The following INTS6 variants were observed in gnomAD, a reference collection of about 807,000 sequenced individuals.
The protein encoded by INTS6 is integrator complex subunit 6.
A neutral mutation model predicts 104.9 loss-of-function variants in INTS6; 16 were observed. The observed-to-expected ratio is 0.15, with a 90% confidence interval of 0.10 to 0.23. The LOEUF (loss-of-function observed/expected upper bound fraction) is 0.23. Ranked by LOEUF, INTS6 falls within the 10% of genes least tolerant of loss-of-function variation. The pLI is 1.00. For synonymous variants in INTS6, 324 were observed against 358.7 expected (o/e 0.90, Z 1.09); for missense variants, 584 against 1,062.8 (o/e 0.55, Z 6.26).
intron 3 of INTS6, chr13:51,442,486 T>A (rs1178215230): frequency 6.6e-6 from 1 of 152,260 alleles, no homozygotes; most frequent in African/African-American, 2.4e-5. Flanking sequence ...GCAAGGGTTC[T>A]GGGTTCTCAG....
chr13:51,383,819 TACTC>T (rs1301962612), intron 7 of INTS6, 78 bp from the exon 8 acceptor site: 13 of 1,263,642 alleles, frequency 1.0e-5, no homozygotes, highest in African/African-American at 4.5e-5. Context: ...TATCAAAATT[TACTC>T]AGTTCCTCCG....
intron 7 of INTS6, among the ~76,000 whole-genome samples, chr13:51,387,135 G>T (rs1023617040): frequency 2.6e-5 from 4 of 152,078 alleles, no homozygotes; most frequent in African/African-American, 4.8e-5. Flanking sequence ...CAGAAGCCAA[G>T]AATAAAAATC....
At chr13:51,399,551 G>A (rs1956398384) in intron 4 of INTS6, among the ~76,000 whole-genome samples, 2 of 152,136 alleles carry the variant, frequency 1.3e-5, no homozygotes, top group African/African-American at 4.8e-5. Context: ...TGGAATTGCT[G>A]GATATGAATA....
chr13:51,450,059 T>A (rs764900272), intron 3 of INTS6: 154 of 985,260 alleles, frequency 1.6e-4, no homozygotes, highest in Non-Finnish European at 1.8e-4. Flanking sequence ...AAAGTTGTAG[T>A]CACAGAAAGA....
intron 15 of INTS6, among the ~76,000 whole-genome samples, chr13:51,371,275 T>TA (rs1174560625): frequency 6.6e-6 from 1 of 152,180 alleles, no homozygotes; most frequent in Non-Finnish European, 1.5e-5. Flanking sequence ...CTAAAGAACT[T>TA]ACACTTACAC....
downstream of INTS6, among the ~76,000 whole-genome samples, chr13:51,360,007 C>G (rs551683315): frequency 2.8e-4 from 42 of 152,190 alleles, 2 homozygotes; most frequent in African/African-American, 7.5e-4. Flanking sequence ...TTCACTGATG[C>G]TGGAAAATAA....
chr13:51,406,463 T>G (rs1247092564), intron 4 of INTS6, among the ~76,000 whole-genome samples: 1 of 152,128 alleles, frequency 6.6e-6, no homozygotes, highest in East Asian at 1.9e-4. Flanking sequence ...CGTCACCTCC[T>G]CCCTGTTTCT....
chr13:51,346,038 CT>C, the INTS6 span, among the ~76,000 whole-genome samples: 1 of 152,234 alleles, frequency 6.6e-6, no homozygotes, highest in Non-Finnish European at 1.5e-5. Flanking sequence ...CCCAACTTCT[CT>C]GAGCCTCAGT....
Position 51,452,586 on chromosome 13 carries a change from AGGCGCCGGTGGC to A in INTS6, c.-73_-62del. ...GAGAAAGAGGAGATGGTAGAGGTGG[AGGCGCCGGTGGC>A]GGCGACCGCCGCTACGCGGGGCGGG... is the stretch of plus-strand genomic sequence containing the variant. On this transcript the variant is annotated 5_prime_UTR_variant, in exon 1 of 18. Transcript: ENST00000311234. This position sits in a 1 kb window ranked among gnomAD's most constrained non-coding sequence, Gnocchi z 4.2. The A allele has an allele frequency of 6.4e-7, 1 of 1,574,634 alleles. No individual in the cohort carries two copies. The highest frequency in any genetic ancestry group is 1.1e-5 in the South Asian group (1 of 89,762).
intron 3 of INTS6, chr13:51,439,505 A>G (rs1952753140): frequency 6.6e-6 from 1 of 152,170 alleles, no homozygotes; most frequent in Non-Finnish European, 1.5e-5. Context: ...AAAAATCTTC[A>G]TATAAAAAAA....
Position 51,452,420 on chromosome 13 carries a change from T to G in INTS6, c.106A>C (p.Met36Leu). ...DTAKGAVETF[M>L]KLRARDPASR... The stretch of plus-strand genomic sequence containing the variant: ...CGGGCTCGGTCAGTCGGTACCTTCA[T>G]GAAGGTCTCTACCGCGCCTTTGGCC... The change falls in exon 1 of 18, where the codon ATG (methionine) becomes CTG (leucine). Residue 36 changes from methionine to leucine, a missense_variant. Met to Leu is a conservative substitution (Grantham distance 15). This residue lies in a region of INTS6 where 70 missense variants were observed against 190.3 expected (regional missense o/e 0.37). Coordinates refer to ENST00000311234, the MANE Select transcript of INTS6 (RefSeq NM_012141.3). The surrounding 1 kb of genome is among the most constrained non-coding windows in gnomAD (Gnocchi z 4.2). The G allele has an allele frequency of 1.9e-6, 3 of 1,600,382 alleles. No homozygotes were observed. The highest frequency in any genetic ancestry group is 2.6e-6 in the Non-Finnish European group (3 of 1,172,474).
At chr13:51,346,893 G>C in the INTS6 span, 9 of 647,228 alleles carry the variant, frequency 1.4e-5, no homozygotes, top group African/African-American at 1.1e-4. Context: ...AAGATGAAGA[G>C]AGAGACCACC....
At chr13:51,423,011 C>T in intron 4 of INTS6, 1 of 1,219,588 alleles carries the variant, frequency 8.2e-7, no homozygotes, top group Admixed American at 2.6e-5. Context: ...TAATGTATTA[C>T]AAATGTTTAT....
At position 51,406,432 on chromosome 13, in the gene INTS6, C is replaced by CCACCTCCTCCCTGTTTCTTACGT. The variant is rs549014143; in HGVS notation, c.430-10972_430-10950dup. 2.7e-5 allele frequency among the ~76,000 whole-genome samples: 4 copies of CCACCTCCTCCCTGTTTCTTACGT among 148,728 alleles called. No homozygotes were observed. In the South Asian group the frequency reaches 6.7e-4, roughly 25 times the overall value. On this transcript the variant is annotated intron_variant, in intron 4 of 17. Transcript: ENST00000311234. Reference sequence around the variant, plus strand: ...GCATCATTTATCGAATAATGGATAACCACCTCCTCCCTGTTTCTTACGTCA... The same window carrying CCACCTCCTCCCTGTTTCTTACGT: ...GCATCATTTATCGAATAATGGATAACCACCTCCTCCCTGTTTCTTACGTCACCTCCTCCCTGTTTCTTACGTCA...
chr13:51,351,409 G>A (rs1416765949), downstream of INTS6, among the ~76,000 whole-genome samples: 2 of 152,066 alleles, frequency 1.3e-5, no homozygotes, highest in African/African-American at 4.8e-5. Context: ...ATGAGGTAGA[G>A]CATCTTTTCA....
intron 13 of INTS6, among the ~76,000 whole-genome samples, chr13:51,375,111 G>A (rs1955891536): frequency 6.6e-6 from 1 of 152,072 alleles, no homozygotes; most frequent in African/African-American, 2.4e-5. Context: ...AGCACTTCGG[G>A]AGGCTGAGGC....
downstream of INTS6, among the ~76,000 whole-genome samples, chr13:51,350,076 C>T (rs1258392458): frequency 6.6e-6 from 1 of 152,140 alleles, no homozygotes; most frequent in Non-Finnish European, 1.5e-5. Context: ...TCTCAAATCA[C>T]TCATTCTTCT....
chr13:51,378,440 A>T lies in INTS6; in HGVS notation c.1401T>A (p.Ser467=). 6.2e-7 allele frequency: 1 copy of T among 1,612,504 alleles called. No individual in the cohort carries two copies. Among genetic ancestry groups the T allele is most frequent in the Non-Finnish European group, 8.5e-7 (1 of 1,178,914 alleles). The change falls in exon 12 of 18, where the codon TCT becomes TCA. Residue 467 remains serine, a synonymous_variant. Coordinates refer to ENST00000311234, the MANE Select transcript of INTS6 (RefSeq NM_012141.3). ...KKLSQQAKIE[S]DRVIGSVGKK... ...TGCCTACAGATCCAATGACTCGATC[A>T]GATTCTATTTTGGCCTAAAGTAAAA...
intron 4 of INTS6, among the ~76,000 whole-genome samples, chr13:51,420,769 A>C (rs1346080355): frequency 3.9e-5 from 6 of 152,174 alleles, no homozygotes; most frequent in Admixed American, 2.0e-4. Flanking sequence ...AAAAAAAAAA[A>C]AAAAACTATC....
Sources: allele counts gnomAD v4.1 joint callset (sites outside exome capture counted in the v4.1 genomes callset), GRCh38; gene constraint gnomAD v4.1.1; regional missense constraint gnomAD v4.1.1; non-coding constraint Gnocchi (gnomAD v3.1); transcripts MANE v1.5; gene names NCBI Gene and HGNC (gene_info 2026-07-23, HGNC 2026-07-21).